Variants in EYA1 observed in about 807,000 individuals in gnomAD.
EYA1 encodes the protein protein phosphatase EYA1.
Under a neutral mutation model 82.0 loss-of-function variants are expected in EYA1, and 16 were observed. The ratio of observed to expected loss-of-function variants is 0.20; its 90% confidence interval spans 0.13 to 0.30. The LOEUF is 0.30. Ranked by LOEUF, EYA1 falls within the 10% of genes least tolerant of loss-of-function variation. The pLI is 1.00. For missense variants in EYA1, 633 were observed against 730.7 expected (o/e 0.87, Z 1.54); for synonymous variants, 261 against 264.4 (o/e 0.99, Z 0.12).
intron 2 of EYA1, among the ~76,000 whole-genome samples, chr8:71,391,966 C>T (rs1366350398): frequency 6.6e-6 from 1 of 152,186 alleles, no homozygotes; most frequent in South Asian, 2.1e-4. Context: ...CAACTGTATT[C>T]TGGCTGAAAA....
At chr8:71,254,888 T>C (rs940288520) in intron 11 of EYA1, among the ~76,000 whole-genome samples, 5 of 111,892 alleles carry the variant, frequency 4.5e-5, no homozygotes, top group Non-Finnish European at 6.6e-5. Flanking sequence ...AATGAATACA[T>C]TCAGCACAGT....
chr8:71,510,628 T>C (rs1231977667), intron 2 of EYA1, among the ~76,000 whole-genome samples: 1 of 152,144 alleles, frequency 6.6e-6, no homozygotes, highest in African/African-American at 2.4e-5. Context: ...TGAAATAGCA[T>C]GAGGGAAACC....
chr8:71,499,438 G>C (rs1165192056), intron 2 of EYA1, among the ~76,000 whole-genome samples: 1 of 152,300 alleles, frequency 6.6e-6, no homozygotes, highest in Non-Finnish European at 1.5e-5. Context: ...GAGGTGCTAA[G>C]GAACTTACTA....
upstream of EYA1, among the ~76,000 whole-genome samples, chr8:71,364,983 T>TAC (rs1473901781): frequency 1.3e-4 from 11 of 87,834 alleles, no homozygotes; most frequent in East Asian, 7.0e-4. Context: ...TATATATATA[T>TAC]ATACATATAC....
intron 7 of EYA1, among the ~76,000 whole-genome samples, chr8:71,302,046 G>T (rs1464687653): frequency 6.6e-6 from 1 of 151,940 alleles, no homozygotes; most frequent in Non-Finnish European, 1.5e-5. Context: ...CCTTGTAAAA[G>T]AAATTTTAAA....
At position 71,436,787 on chromosome 8, in the gene EYA1, A is replaced by T. The variant is rs146464638; in HGVS notation, c.34-80276T>A. 1.9e-4 allele frequency among the ~76,000 whole-genome samples: 29 copies of T among 152,234 alleles called. No individual in the cohort carries two copies. In the East Asian group the frequency reaches 5.6e-3, roughly 29 times the overall value. ...TCTTCTCTCTTGATAAATTATATGC[A>T]AATCAGTGTTGATTGAAAAATGTTT... On this transcript the variant is annotated intron_variant, in intron 2 of 18. Coordinates refer to the EYA1 transcript ENST00000643681.
chr8:71,456,116 GACAA>G (rs1414861462), intron 2 of EYA1, among the ~76,000 whole-genome samples: 1 of 152,090 alleles, frequency 6.6e-6, no homozygotes, highest in Admixed American at 6.5e-5. Flanking sequence ...ACCAATAACA[GACAA>G]ACAGAGAGCC....
chr8:71,233,430 G>A (rs1003177018), intron 12 of EYA1, among the ~76,000 whole-genome samples: 2 of 151,982 alleles, frequency 1.3e-5, no homozygotes, highest in Non-Finnish European at 2.9e-5. Flanking sequence ...TGGGCGTGGT[G>A]GTGGGCGCCT....
chr8:71,396,201 T>G (rs767145357), intron 2 of EYA1, among the ~76,000 whole-genome samples: 46 of 152,108 alleles, frequency 3.0e-4, no homozygotes, highest in African/African-American at 7.0e-4. Flanking sequence ...TATTAGTCTT[T>G]CTAGCGGTCT....
chr8:71,323,178 C>T (rs1282355489), intron 4 of EYA1, among the ~76,000 whole-genome samples: 1 of 152,056 alleles, frequency 6.6e-6, no homozygotes, highest in Non-Finnish European at 1.5e-5. Flanking sequence ...TATATACATA[C>T]ATATATATCT....
chr8:71,364,344 T>C (rs1268407449), upstream of EYA1, among the ~76,000 whole-genome samples: 2 of 152,054 alleles, frequency 1.3e-5, no homozygotes, highest in Middle Eastern at 4.2e-3. Context: ...ATATCCAATA[T>C]GTAATAATTA....
intron 2 of EYA1, among the ~76,000 whole-genome samples, chr8:71,507,382 C>T (rs1466240105): frequency 1.3e-5 from 2 of 152,088 alleles, no homozygotes; most frequent in Admixed American, 6.6e-5. Context: ...TAATTTTTTA[C>T]CTCTCATACT....
At chr8:71,208,247 A>G (rs1808063093) in intron 17 of EYA1, among the ~76,000 whole-genome samples, 1 of 152,102 alleles carries the variant, frequency 6.6e-6, no homozygotes. Context: ...AGTCTGGCTA[A>G]CTGGTGAAAC....
chr8:71,534,326 G>T (rs574135164), intron 2 of EYA1, among the ~76,000 whole-genome samples: 2 of 152,270 alleles, frequency 1.3e-5, no homozygotes, highest in African/African-American at 4.8e-5. Flanking sequence ...GAATTAAATG[G>T]GTTGAATTCG....
At chr8:71,406,476 C>G (rs540895060) in intron 2 of EYA1, among the ~76,000 whole-genome samples, 1 of 152,200 alleles carries the variant, frequency 6.6e-6, no homozygotes, top group Non-Finnish European at 1.5e-5. Context: ...GTTCATCTCA[C>G]TAGGGAGTGC....
upstream of EYA1, among the ~76,000 whole-genome samples, chr8:71,364,838 G>C (rs1306777085): frequency 2.0e-5 from 3 of 150,684 alleles, no homozygotes; most frequent in East Asian, 5.8e-4. Context: ...AGAGCCAGCT[G>C]TTGCCTAGAT....
At position 71,469,235 on chromosome 8, in the gene EYA1, A is replaced by G. The variant is rs373108952; in HGVS notation, c.33+66509T>C. On this transcript the variant is annotated intron_variant, in intron 2 of 18. Transcript: ENST00000643681. ...AGAAGAACTATAAACAAATAGTTAT[A>G]TTTTAATGTGGTAAGTACTGGGTGT... 2.1e-3 allele frequency among the ~76,000 whole-genome samples: 315 copies of G among 152,238 alleles called. 1 individual carries two copies. The highest frequency in any genetic ancestry group is 7.4e-3 in the African/African-American group (308 of 41,570).
At chr8:71,546,696 GC>G (rs1563725098) in intron 1 of EYA1, among the ~76,000 whole-genome samples, 1 of 152,040 alleles carries the variant, frequency 6.6e-6, no homozygotes, top group Non-Finnish European at 1.5e-5. Flanking sequence ...TAGAGACGGG[GC>G]TTCACCATGT....
At chr8:71,531,519 T>C (rs1814275068) in intron 2 of EYA1, among the ~76,000 whole-genome samples, 3 of 152,162 alleles carry the variant, frequency 2.0e-5, no homozygotes, top group South Asian at 4.1e-4. Context: ...TAGAATGATA[T>C]ATTTTTAAAA....
Sources: gnomAD v4.1 joint callset for allele counts (sites outside exome capture counted in the v4.1 genomes callset) on GRCh38, gnomAD v4.1.1 for gene constraint, MANE v1.5 for transcripts, NCBI Gene and HGNC (gene_info 2026-07-23, HGNC 2026-07-21) for gene names.